Variants in RPAP1 observed in about 807,000 individuals in gnomAD.
RPAP1 encodes the protein RNA polymerase II-associated protein 1.
In RPAP1, 109 loss-of-function variants were observed where a neutral mutation model predicts 142.4. That is an observed-to-expected ratio of 0.77 (90% confidence interval 0.66 to 0.90). The LOEUF is 0.90. Among genes scored for constraint, RPAP1 ranks in the 40% least tolerant of loss-of-function variants. RPAP1 has a pLI of 0.00. For synonymous variants in RPAP1, 704 were observed against 738.9 expected (o/e 0.95, Z 0.77); for missense variants, 1,546 against 1,751.7 (o/e 0.88, Z 2.10).
intron 6 of RPAP1, among the ~76,000 whole-genome samples, chr15:41,531,625 ATATTTTTTTTTTTTTTT>A (rs1323900505): frequency 0.024 from 360 of 15,114 alleles, 1 homozygote; most frequent in Middle Eastern, 0.033. Context: ...ATATATATAT[ATATTTTTTTTTTTTTTT>A]TTTTTTTTTT....
rs747850058 is a variant in RPAP1, at chr15:41,525,004, C to T, written c.2062G>A (p.Gly688Ser). ...GCCTCTCCTCACCTGTAAAGGTAAC[C>T]GCCCTGGCCATAGGAGGCAGCCACA... ...WAVAASYGQGGYLYRELYPVL... is the reference protein window; with the variant it reads ...WAVAASYGQGSYLYRELYPVL... Residue 688 changes from glycine (G) to serine (S), a missense_variant, in exon 15 of 25, where the codon GGT (glycine) becomes AGT (serine). Gly to Ser is a moderately conservative substitution (Grantham distance 56). Transcript: ENST00000304330. 1.9e-5 allele frequency: 31 copies of T among 1,613,418 alleles called. No individual in the cohort carries two copies. The highest frequency in any genetic ancestry group is 2.7e-5 in the African/African-American group (2 of 74,884).
At chr15:41,521,213 C>A in intron 21 of RPAP1, 66 bp from the exon 22 acceptor site, 1 of 1,470,300 alleles carries the variant, frequency 6.8e-7, no homozygotes, top group South Asian at 1.4e-5. Flanking sequence ...TGTGCCAGCT[C>A]TTTGGAACTT....
Position 41,527,944 on chromosome 15 carries a change from G to A in RPAP1, c.1344C>T (p.Arg448=), listed in dbSNP as rs1323835353. 1 of 1,614,132 alleles carries A rather than the reference G, an allele frequency of 6.2e-7. No homozygotes were observed. The highest frequency in any genetic ancestry group is 1.7e-5 in the Admixed American group (1 of 60,004). ...CATCCACTCTGTCATCCAAGGAGAA[G>A]CGCAGTAGGAAGAGGAAACCAGCAT... ...LLDAGFLFLL[R]FSLDDRVDGV... is the part of the protein sequence containing the mutation. The change falls in exon 11 of 25, where the codon CGC becomes CGT. Residue 448 remains arginine (R), a synonymous_variant. Transcript: ENST00000304330.
rs2051687062 is a variant in RPAP1 at position 41,518,191 on chromosome 15, G to A, written c.3796-9C>T. On this transcript the variant is annotated splice_polypyrimidine_tract_variant and intron_variant, in intron 22 of 24. Coordinates refer to ENST00000304330, the MANE Select transcript of RPAP1 (RefSeq NM_015540.4). ...TCCAGGGACACAGGCAACTGTGACA[G>A]GGGAAATGACGTGCTGAGGGGGAGG... The A allele has an allele frequency of 6.4e-7, 1 of 1,556,318 alleles. No individual in the cohort carries two copies. The highest frequency in any genetic ancestry group is 2.2e-5 in the Admixed American group (1 of 45,876).
At position 41,527,596 on chromosome 15, in the gene RPAP1, C is replaced by T. The variant is rs779826774; in HGVS notation, c.1438G>A (p.Asp480Asn). ...LVAPGDEELL[D>N]STFSWYHGAL... Reference sequence around the variant, plus strand: ...CCATGGTACCAAGAGAAGGTGCTGTCGAGGAGCTCCTGCCAGAGGAACGGG... The same window carrying T: ...CCATGGTACCAAGAGAAGGTGCTGTTGAGGAGCTCCTGCCAGAGGAACGGG... The change falls in exon 12 of 25, where the codon GAC becomes AAC. Residue 480 changes from aspartate (D) to asparagine (N), a missense_variant. Asp to Asn is a conservative substitution (Grantham distance 23, BLOSUM62 1). This residue lies in a region of RPAP1 where 1,333 missense variants were observed against 1,486.6 expected (regional missense o/e 0.90). Coordinates refer to ENST00000304330, the MANE Select transcript of RPAP1 (RefSeq NM_015540.4). 6.8e-6 allele frequency: 11 copies of T among 1,612,402 alleles called. No individual in the cohort carries two copies. The highest frequency in any genetic ancestry group is 7.6e-6 in the Non-Finnish European group (9 of 1,179,368).
Position 41,520,701 on chromosome 15 carries a change from A to G in RPAP1, c.3485T>C (p.Val1162Ala). 6.2e-7 allele frequency: 1 copy of G among 1,614,106 alleles called. No homozygotes were observed. Among genetic ancestry groups the G allele is most frequent in the Non-Finnish European group, 8.5e-7 (1 of 1,180,040 alleles). The change falls in exon 22 of 25, where the codon GTG becomes GCG. Residue 1162 changes from valine to alanine, a missense_variant. Val to Ala is a moderately conservative substitution (Grantham distance 64). Coordinates refer to ENST00000304330, the MANE Select transcript of RPAP1 (RefSeq NM_015540.4). ...PAARLARLMC[V>A]FLVDSELFRE... Reference sequence around the variant, plus strand: ...GAACAGCTCACTGTCCACCAGGAACACACACATGAGCCGTGCCAGGCGGGC... The same window carrying G: ...GAACAGCTCACTGTCCACCAGGAACGCACACATGAGCCGTGCCAGGCGGGC...
intron 1 of RPAP1, 54 bp from the exon 2 acceptor site, chr15:41,537,255 T>C (rs933960594): frequency 1.2e-5 from 10 of 865,702 alleles, no homozygotes; most frequent in East Asian, 5.4e-5. Context: ...ATTCTCTTTA[T>C]TGGGCAACAG....
chr15:41,536,436 C>G, intron 3 of RPAP1, 65 bp downstream of exon 3: 3 of 1,588,018 alleles, frequency 1.9e-6, no homozygotes, highest in East Asian at 4.5e-5. Flanking sequence ...CCTCACCCAC[C>G]CCGAGCATCC....
intron 1 of RPAP1, chr15:41,543,928 C>T (rs954697841): frequency 2.0e-5 from 3 of 152,238 alleles, no homozygotes; most frequent in African/African-American, 7.2e-5. Flanking sequence ...AGCCTATCCT[C>T]CAGAGCCAGG....
In RPAP1 at chr15:41,517,849, G is replaced by T; in HGVS notation, c.3981C>A (p.Val1327=). 2 of 1,614,090 alleles carry T rather than the reference G, an allele frequency of 1.2e-6. No individual in the cohort carries two copies. The highest frequency in any genetic ancestry group is 2.2e-5 in the South Asian group (2 of 91,030). The part of the protein sequence containing the change: ...FSQDPQSSDE[V]KAARRSMLQK... Reference sequence around the variant, plus strand: ...GCAGCATACTCCTGCGGGCAGCTTTGACCTCATCCTAGAAGCAGAACAGGG... The same window carrying T: ...GCAGCATACTCCTGCGGGCAGCTTTTACCTCATCCTAGAAGCAGAACAGGG... The change falls in exon 24 of 25, where the codon GTC becomes GTA. Residue 1327 remains valine (V), a synonymous_variant. Coordinates refer to ENST00000304330, the MANE Select transcript of RPAP1 (RefSeq NM_015540.4).
At chr15:41,533,032 G>GTAGATCTGT (rs2051870745) in intron 6 of RPAP1, among the ~76,000 whole-genome samples, 1 of 72,462 alleles carries the variant, frequency 1.4e-5, no homozygotes, top group Non-Finnish European at 2.6e-5. Flanking sequence ...GGTAGATCTG[G>GTAGATCTGT]GTTTAAATCC....
At chr15:41,541,889 T>G (rs755430004) in intron 1 of RPAP1, among the ~76,000 whole-genome samples, 2 of 152,146 alleles carry the variant, frequency 1.3e-5, no homozygotes, top group African/African-American at 2.4e-5. Context: ...TACTTTTTCT[T>G]CATCTACTTC....
chr15:41,521,951 G>A, intron 20 of RPAP1, 71 bp from the exon 21 acceptor site: 1 of 1,579,508 alleles, frequency 6.3e-7, no homozygotes, highest in Middle Eastern at 1.7e-4. Context: ...TGAGGAAGAG[G>A]ATAAAAGTGA....
At chr15:41,525,319 A>T in intron 14 of RPAP1, 171 bp from the exon 15 acceptor site, 2 of 359,168 alleles carry the variant, frequency 5.6e-6, no homozygotes, top group Non-Finnish European at 9.7e-6. Flanking sequence ...TAAAATTTCA[A>T]TTTTATTATT....
chr15:41,527,437 G>A lies in RPAP1; in HGVS notation c.1597C>T (p.His533Tyr), dbSNP rs2051804407. The A allele has an allele frequency of 1.9e-6, 3 of 1,614,028 alleles. No homozygotes were observed. The South Asian group carries it at 3.3e-5, about 18-fold the overall frequency. The change falls in exon 12 of 25, where the codon CAT becomes TAT. Residue 533 changes from histidine (H) to tyrosine (Y), a missense_variant. His to Tyr is a moderately conservative substitution (Grantham distance 83). Transcript: ENST00000304330. ...ESRPPPDLAR[H>Y]DVIKGLLATS... ...TGTCCCTTTACCTTGATGACATCAT[G>A]TCGGGCCAGGTCAGGTGGAGGCCGG...
At chr15:41,541,330 G>A (rs2051969997) in intron 1 of RPAP1, among the ~76,000 whole-genome samples, 1 of 151,896 alleles carries the variant, frequency 6.6e-6, no homozygotes. Context: ...GGCTGAGGCA[G>A]GAGAACGGTT....
chr15:41,518,285 G>A lies in RPAP1; in HGVS notation c.3796-103C>T, dbSNP rs556982067. The A allele has an allele frequency of 1.5e-4, 141 of 969,976 alleles. 1 individual carries two copies. The South Asian group carries it at 2.5e-3, about 17-fold the overall frequency. 60.1% of individuals were successfully genotyped at this position (969,976 alleles called of 1,614,324 possible). On this transcript the variant is annotated intron_variant, in intron 22 of 24. Transcript: ENST00000304330. ...CATGAAACCAAATCATGAGGGCAGA[G>A]ATCAGGTCCTAGACAAACATCTGTC...
intron 9 of RPAP1, 38 bp from the exon 10 acceptor site, chr15:41,528,374 C>T (rs2051816882): frequency 1.4e-6 from 2 of 1,404,284 alleles, no homozygotes; most frequent in Non-Finnish European, 2.0e-6. Context: ...AGCCAGGATA[C>T]AGCACAGTGC....
rs533682406 is a variant in RPAP1 at position 41,521,290 on chromosome 15, G to A, written c.3039-143C>T. On this transcript the variant is annotated intron_variant, in intron 21 of 24. Coordinates refer to ENST00000304330, the MANE Select transcript of RPAP1 (RefSeq NM_015540.4). ...TTAACTACTTCCCGCGCAGTGCTGTGTAGCAGTTAAGAGGATGCACACTAC... is the reference window on the plus strand; with the variant it reads ...TTAACTACTTCCCGCGCAGTGCTGTATAGCAGTTAAGAGGATGCACACTAC... 5 of 808,248 alleles carry A rather than the reference G, an allele frequency of 6.2e-6. No homozygotes were observed. The African/African-American group carries it at 6.9e-5, about 11-fold the overall frequency. 50.1% of individuals were successfully genotyped at this position (808,248 alleles called of 1,614,324 possible).
Sources: allele counts gnomAD v4.1 joint callset (sites outside exome capture counted in the v4.1 genomes callset), GRCh38; gene constraint gnomAD v4.1.1; regional missense constraint gnomAD v4.1.1; transcripts MANE v1.5; gene names NCBI Gene and HGNC (gene_info 2026-07-23, HGNC 2026-07-21).